Variants in HTR1E observed in about 807,000 individuals in gnomAD.
HTR1E encodes 5-hydroxytryptamine receptor 1E, also known as 5-HT-1E.
HTR1E carries 3 observed loss-of-function variants against 3.4 expected under a neutral mutation model. That is an observed-to-expected ratio of 0.89 (90% confidence interval 0.41 to 2.31). The LOEUF (loss-of-function observed/expected upper bound fraction) is 2.31, where lower values mean the gene tolerates loss of function less well. Ranked by LOEUF, HTR1E falls within the 30% of genes most tolerant of loss-of-function variation. HTR1E has a pLI of 0.05. For synonymous variants in HTR1E, 170 were observed against 182.8 expected, an observed-to-expected ratio of 0.93 and a Z score of 0.56; for missense variants, 392 against 467.0, an observed-to-expected ratio of 0.84 and a Z score of 1.48.
At chr6:86,948,381 T>C (rs1767156933) in intron 1 of HTR1E, among the ~76,000 whole-genome samples, 1 of 152,254 alleles carries the variant, frequency 6.6e-6, no homozygotes, top group Non-Finnish European at 1.5e-5. Flanking sequence ...GTTTTTATAC[T>C]GTAAAATTAT....
chr6:86,956,278 A>G (rs1176144173), intron 1 of HTR1E, among the ~76,000 whole-genome samples: 2 of 152,120 alleles, frequency 1.3e-5, no homozygotes, highest in Admixed American at 1.3e-4. Context: ...AGACTAACTA[A>G]AAGTCTGGAA....
At chr6:86,996,863 G>C (rs1366655275) in intron 1 of HTR1E, among the ~76,000 whole-genome samples, 2 of 151,560 alleles carry the variant, frequency 1.3e-5, no homozygotes. Context: ...AATAGAAAAG[G>C]AACACTTTCC....
rs148838767 is a variant in HTR1E at position 87,001,484 on chromosome 6, T to C, written c.-185-13666T>C. On this transcript the variant is annotated intron_variant, in intron 1 of 1. Coordinates refer to ENST00000305344, the MANE Select transcript of HTR1E (RefSeq NM_000865.3). ...TGCTGCTTGCCACAGAGAAAGTCAA[T>C]CACTGAGACCATGAGTATTGCCAAG... 4.5e-3 allele frequency among the ~76,000 whole-genome samples: 678 copies of C among 152,280 alleles called. 7 individuals carry two copies. Among genetic ancestry groups the C allele is most frequent in the South Asian group, 0.014 (66 of 4,822 alleles).
chr6:86,966,549 A>C (rs940895656), intron 1 of HTR1E, among the ~76,000 whole-genome samples: 49 of 152,324 alleles, frequency 3.2e-4, no homozygotes, highest in African/African-American at 1.2e-3. Flanking sequence ...ATCTTCTTAC[A>C]ATATGAGATT....
chr6:86,943,580 C>G (rs1405117760), intron 1 of HTR1E, among the ~76,000 whole-genome samples: 1 of 152,188 alleles, frequency 6.6e-6, no homozygotes. Context: ...TTCATTGTCA[C>G]CTGTGATGTC....
At chr6:87,002,827 A>G (rs986055839) in intron 1 of HTR1E, among the ~76,000 whole-genome samples, 4 of 152,202 alleles carry the variant, frequency 2.6e-5, no homozygotes, top group African/African-American at 9.7e-5. Flanking sequence ...TATATAAAAC[A>G]AATATTATTA....
intron 1 of HTR1E, among the ~76,000 whole-genome samples, chr6:86,979,372 G>A (rs1767680560): frequency 6.6e-6 from 1 of 152,118 alleles, no homozygotes; most frequent in South Asian, 2.1e-4. Context: ...GATTCACAAA[G>A]GAGTCCATGA....
rs181158838 is a variant in HTR1E, at chr6:86,938,169, C to G, written c.-186+346C>G. ...GGTATGGAACGGGTGCTGGGGGGGG[C>G]CAGGGAAAACTTGAGTAGAAATCAC... is the stretch of plus-strand genomic sequence containing the variant. On this transcript the variant is annotated intron_variant, in intron 1 of 1. Coordinates refer to ENST00000305344, the MANE Select transcript of HTR1E (RefSeq NM_000865.3). 7.2e-5 allele frequency among the ~76,000 whole-genome samples: 11 copies of G among 152,068 alleles called. No homozygotes were observed. The East Asian group carries it at 7.8e-4, about 11-fold the overall frequency.
chr6:86,947,847 T>A (rs1183758828), intron 1 of HTR1E, among the ~76,000 whole-genome samples: 1 of 152,188 alleles, frequency 6.6e-6, no homozygotes, highest in Non-Finnish European at 1.5e-5. Flanking sequence ...TTCCAACAAT[T>A]GTGAAGTAGT....
chr6:87,007,475 C>T (rs1271193995), intron 1 of HTR1E, among the ~76,000 whole-genome samples: 1 of 152,038 alleles, frequency 6.6e-6, no homozygotes, highest in Admixed American at 6.5e-5. Flanking sequence ...TAACAGAGTA[C>T]AATTGGACTT....
At chr6:86,941,490 T>G (rs1470589679) in intron 1 of HTR1E, among the ~76,000 whole-genome samples, 1 of 152,232 alleles carries the variant, frequency 6.6e-6, no homozygotes, top group Non-Finnish European at 1.5e-5. Context: ...AATGAAAAAC[T>G]GGACACTTTA....
chr6:87,006,118 T>C (rs1169864739), intron 1 of HTR1E, among the ~76,000 whole-genome samples: 1 of 152,238 alleles, frequency 6.6e-6, no homozygotes, highest in Non-Finnish European at 1.5e-5. Flanking sequence ...GGAATCCTTG[T>C]ACACTGTTGG....
chr6:86,997,140 A>T (rs1767951332), intron 1 of HTR1E, among the ~76,000 whole-genome samples: 1 of 151,988 alleles, frequency 6.6e-6, no homozygotes. Flanking sequence ...AAATTTTAAC[A>T]TTCATTCATT....
At chr6:87,010,118 TTCCCA>T (rs1768188066) in intron 1 of HTR1E, among the ~76,000 whole-genome samples, 1 of 117,284 alleles carries the variant, frequency 8.5e-6, no homozygotes, top group African/African-American at 3.4e-5. Context: ...GGCTCCTCAC[TTCCCA>T]GTAGGGGCGG....
intron 1 of HTR1E, among the ~76,000 whole-genome samples, chr6:87,012,904 A>C (rs759151233): frequency 5.3e-5 from 8 of 152,214 alleles, no homozygotes; most frequent in Non-Finnish European, 1.0e-4. Flanking sequence ...TTCAGAGTCC[A>C]TGTGGGTAGT....
At chr6:86,965,404 AT>A (rs1767459324) in intron 1 of HTR1E, among the ~76,000 whole-genome samples, 1 of 152,134 alleles carries the variant, frequency 6.6e-6, no homozygotes, top group South Asian at 2.1e-4. Flanking sequence ...TGGTTCTCAA[AT>A]TTGGTTTCAC....
chr6:86,995,688 GA>G (rs58476122), intron 1 of HTR1E, among the ~76,000 whole-genome samples: 183 of 55,222 alleles, frequency 3.3e-3, no homozygotes, highest in Middle Eastern at 0.012. Context: ...AAAAAAAAAA[GA>G]AAAAAAAAAA....
chr6:87,003,330 G>T (rs949582660), intron 1 of HTR1E, among the ~76,000 whole-genome samples: 4 of 152,090 alleles, frequency 2.6e-5, no homozygotes, highest in Non-Finnish European at 4.4e-5. Flanking sequence ...CTGAGGTCAG[G>T]AGTTCAAGAC....
intron 1 of HTR1E, among the ~76,000 whole-genome samples, chr6:86,943,699 C>T (rs1176239272): frequency 6.6e-6 from 1 of 152,250 alleles, no homozygotes; most frequent in Non-Finnish European, 1.5e-5. Context: ...CATTCATTAA[C>T]TGCTTTCACA....
Sources: allele counts gnomAD v4.1 joint callset (sites outside exome capture counted in the v4.1 genomes callset), GRCh38; gene constraint gnomAD v4.1.1; transcripts MANE v1.5; gene names NCBI Gene and HGNC (gene_info 2026-07-23, HGNC 2026-07-21).